IL18R1: variants seen among roughly 807,000 people sequenced by gnomAD.
The protein encoded by IL18R1 is interleukin-18 receptor 1.
Under a neutral mutation model 48.5 loss-of-function variants are expected in IL18R1, and 40 were observed. The ratio of observed to expected loss-of-function variants is 0.82; its 90% CI spans 0.64 to 1.07. The LOEUF (loss-of-function observed/expected upper bound fraction) is 1.07, where lower values mean the gene tolerates loss of function less well. Ranked by LOEUF, IL18R1 falls within the 50% of genes least tolerant of loss-of-function variation. The probability of loss-of-function intolerance (pLI) is 0.00; values close to 1 mark genes in which losing one functional copy is unlikely to be tolerated. For missense variants in IL18R1, 596 were observed against 633.7 expected, an observed-to-expected ratio of 0.94 and a Z score of 0.64; for synonymous variants, 232 against 225.9, an observed-to-expected ratio of 1.03 and a Z score of -0.24.
chr2:102,376,182 C>G (rs1679574109), intron 5 of IL18R1, 119 bp downstream of exon 5: 2 of 691,326 alleles, frequency 2.9e-6, no homozygotes, highest in Non-Finnish European at 4.5e-6. Flanking sequence ...GACCACACCA[C>G]TAGTTCAAAT....
At chr2:102,372,462 T>C (rs1469742214) in intron 4 of IL18R1, among the ~76,000 whole-genome samples, 1 of 152,240 alleles carries the variant, frequency 6.6e-6, no homozygotes, top group African/African-American at 2.4e-5. Flanking sequence ...GTACTTAACA[T>C]GTAAAACTCA....
chr2:102,396,831 C>T lies in IL18R1; in HGVS notation c.1571C>T (p.Thr524Ile). The T allele has an allele frequency of 6.2e-7, 1 of 1,611,338 alleles. No individual in the cohort carries two copies. The highest frequency in any genetic ancestry group is 1.1e-5 in the South Asian group (1 of 90,404). Reference protein sequence around the residue: ...KNLLYLMPAKTVKPGRDEPEV... With the variant: ...KNLLYLMPAKIVKPGRDEPEV... ...CTTCTTTACTTAATGCCTGCAAAAACAGTCAAGCCAGGTAGAGACGAACCG... is the reference window on the plus strand; with the variant it reads ...CTTCTTTACTTAATGCCTGCAAAAATAGTCAAGCCAGGTAGAGACGAACCG... Residue 524 changes from threonine (T) to isoleucine (I), a missense_variant, in exon 11 of 11, where the codon ACA becomes ATA. Thr to Ile is a moderately conservative substitution (Grantham distance 89). Coordinates refer to ENST00000233957, the MANE Select transcript of IL18R1 (RefSeq NM_003855.5).
intron 4 of IL18R1, 135 bp downstream of exon 4, chr2:102,372,253 G>T (rs1378665049): frequency 8.0e-6 from 5 of 627,508 alleles, no homozygotes; most frequent in Non-Finnish European, 1.1e-5. Context: ...TGCCCTGTTT[G>T]AGCCAAGTAT....
rs1194578480 is a variant in IL18R1 at position 102,398,650 on chromosome 2, ACTTG to A, written c.*1768_*1771del. 1 of 152,282 alleles carries A rather than the reference ACTTG, an allele frequency of 6.6e-6. No individual in the cohort carries two copies. The highest frequency in any genetic ancestry group is 1.5e-5 in the Non-Finnish European group (1 of 68,014). The allele number at this position is 152,282 out of a possible 1,614,324, so 9.4% of individuals were successfully genotyped here. A position where few individuals can be genotyped will look rare whatever the true frequency, so the allele number is the denominator to read the frequency against. Reference sequence around the variant, plus strand: ...TGATTTTGCTTTTCTCTTTTATTATACTTGCTTTAAAATACTTGAAATATATTTT... The same window carrying A: ...TGATTTTGCTTTTCTCTTTTATTATACTTTAAAATACTTGAAATATATTTT... On this transcript the variant is annotated 3_prime_UTR_variant, in exon 11 of 11. Coordinates refer to ENST00000233957, the MANE Select transcript of IL18R1 (RefSeq NM_003855.5).
chr2:102,371,709 A>G, intron 3 of IL18R1, among the ~76,000 whole-genome samples: 1 of 152,038 alleles, frequency 6.6e-6, no homozygotes, highest in East Asian at 1.9e-4. Flanking sequence ...GTGCGTGTGC[A>G]TGTGTGTGTC....
chr2:102,379,498 A>T (rs977009367), intron 5 of IL18R1, among the ~76,000 whole-genome samples: 1 of 152,050 alleles, frequency 6.6e-6, no homozygotes, highest in African/African-American at 2.4e-5. Flanking sequence ...GACTCAGGGA[A>T]ACCCGTTTTT....
At chr2:102,388,954 A>G (rs1456614759) in intron 8 of IL18R1, among the ~76,000 whole-genome samples, 5 of 152,202 alleles carry the variant, frequency 3.3e-5, no homozygotes, top group African/African-American at 4.8e-5. Context: ...ATCTATTTTA[A>G]GAAAGAATTA....
chr2:102,384,168 T>C (rs1680085635), intron 6 of IL18R1, among the ~76,000 whole-genome samples: 3 of 152,348 alleles, frequency 2.0e-5, no homozygotes, highest in Admixed American at 1.3e-4. Flanking sequence ...TCTTCATCTC[T>C]GATAGCTGGT....
chr2:102,394,147 C>T (rs1335250322), intron 9 of IL18R1, among the ~76,000 whole-genome samples: 1 of 151,930 alleles, frequency 6.6e-6, no homozygotes, highest in East Asian at 1.9e-4. Flanking sequence ...GATTTTCTTT[C>T]CACTCCTGGA....
chr2:102,361,754 G>A (rs926977554), intron 1 of IL18R1, among the ~76,000 whole-genome samples: 2 of 152,174 alleles, frequency 1.3e-5, no homozygotes, highest in African/African-American at 4.8e-5. Flanking sequence ...GTAAACAAGG[G>A]ATATGGTGTT....
chr2:102,363,851 C>T (rs1255747118), intron 2 of IL18R1, among the ~76,000 whole-genome samples: 1 of 152,208 alleles, frequency 6.6e-6, no homozygotes, highest in African/African-American at 2.4e-5. Flanking sequence ...CAAACACAGA[C>T]TTTATTCCAA....
chr2:102,390,363 C>A, intron 9 of IL18R1, 146 bp downstream of exon 9: 1 of 748,910 alleles, frequency 1.3e-6, no homozygotes, highest in Non-Finnish European at 2.1e-6. Flanking sequence ...TCTGCCTGTA[C>A]CATCCATTAT....
chr2:102,376,311 T>G (rs1679581981), intron 5 of IL18R1, among the ~76,000 whole-genome samples: 1 of 152,226 alleles, frequency 6.6e-6, no homozygotes, highest in East Asian at 1.9e-4. Flanking sequence ...CTCTTATATA[T>G]GAAATTTGAG....
intron 9 of IL18R1, among the ~76,000 whole-genome samples, chr2:102,391,253 T>C (rs1269555183): frequency 2.0e-5 from 3 of 152,190 alleles, no homozygotes; most frequent in African/African-American, 7.2e-5. Flanking sequence ...AGCCTGGTCC[T>C]GGATCTATGA....
At chr2:102,388,115 C>T (rs777780961) in intron 8 of IL18R1, among the ~76,000 whole-genome samples, 3 of 152,064 alleles carry the variant, frequency 2.0e-5, no homozygotes, top group East Asian at 1.9e-4. Flanking sequence ...TTGTGAGAAA[C>T]GGAAGGAGTG....
At chr2:102,388,116 G>A (rs1341910053) in intron 8 of IL18R1, among the ~76,000 whole-genome samples, 1 of 152,140 alleles carries the variant, frequency 6.6e-6, no homozygotes, top group East Asian at 1.9e-4. Flanking sequence ...TGTGAGAAAC[G>A]GAAGGAGTGG....
In IL18R1 at chr2:102,368,080, T is replaced by C. The variant is rs1679021004; in HGVS notation, c.302+12T>C. ...TTTTTCCAAATGAAGTGAGTAACCC[T>C]TTCTTTTCAAAATGTATTTCACAGC... On this transcript the variant is annotated intron_variant, in intron 3 of 10. Coordinates refer to ENST00000233957, the MANE Select transcript of IL18R1 (RefSeq NM_003855.5). 1 of 1,612,608 alleles carries C rather than the reference T, an allele frequency of 6.2e-7. No homozygotes were observed.
At position 102,398,406 on chromosome 2, in the gene IL18R1, G is replaced by A. The variant is rs921149241; in HGVS notation, c.*1520G>A. ...TTAAAGCAGAGATTGTTTCAAATGG[G>A]TGTAGTAGATATTACTGAAAACCAA... On this transcript the variant is annotated 3_prime_UTR_variant, in exon 11 of 11. Coordinates refer to ENST00000233957, the MANE Select transcript of IL18R1 (RefSeq NM_003855.5). 3.9e-5 allele frequency: 6 copies of A among 152,466 alleles called. No individual in the cohort carries two copies. Among genetic ancestry groups the A allele is most frequent in the African/African-American group, 1.4e-4 (6 of 41,572 alleles). 9.4% of individuals were successfully genotyped at this position (152,466 alleles called of 1,614,324 possible).
chr2:102,372,558 A>G (rs1679329511), intron 4 of IL18R1, among the ~76,000 whole-genome samples: 1 of 152,098 alleles, frequency 6.6e-6, no homozygotes, highest in East Asian at 1.9e-4. Flanking sequence ...TTTAAAACTG[A>G]AAAATGAAGA....
Sources: allele counts gnomAD v4.1 joint callset (sites outside exome capture counted in the v4.1 genomes callset), GRCh38; gene constraint gnomAD v4.1.1; transcripts MANE v1.5; gene names NCBI Gene and HGNC (gene_info 2026-07-23, HGNC 2026-07-21).